Variants in SYN3 observed in about 807,000 individuals in gnomAD.
The protein encoded by SYN3 is synapsin III.
A neutral mutation model predicts 65.8 loss-of-function variants in SYN3; 35 were observed. The observed-to-expected ratio is 0.53, with a 90% confidence interval of 0.41 to 0.70. The LOEUF is 0.70. SYN3 is among the 30% of genes least tolerant of loss of function. SYN3 has a pLI of 0.00. For missense variants in SYN3, 680 were observed against 749.0 expected, an observed-to-expected ratio of 0.91 and a Z score of 1.08; for synonymous variants, 270 against 292.9, an observed-to-expected ratio of 0.92 and a Z score of 0.80.
intron 4 of SYN3, 80 bp from the exon 5 acceptor site, chr22:32,869,205 G>A: frequency 1.3e-6 from 2 of 1,510,666 alleles, no homozygotes; most frequent in African/African-American, 1.4e-5. Flanking sequence ...TGCTGGGGAT[G>A]ATAGCACTGA....
At chr22:32,639,534 C>T (rs1290264060) in intron 6 of SYN3, among the ~76,000 whole-genome samples, 1 of 151,948 alleles carries the variant, frequency 6.6e-6, no homozygotes, top group African/African-American at 2.4e-5. Context: ...GAATTAAGTT[C>T]CTTTTCTTTT....
intron 6 of SYN3, among the ~76,000 whole-genome samples, chr22:32,851,872 C>T (rs1427377): frequency 0.072 from 10,929 of 152,192 alleles, 630 homozygotes; most frequent in African/African-American, 0.16. Flanking sequence ...CTGGAATCTG[C>T]TTGTCTCTAG....
chr22:32,570,061 G>A (rs1485790951), intron 7 of SYN3, among the ~76,000 whole-genome samples: 1 of 152,214 alleles, frequency 6.6e-6, no homozygotes, highest in Non-Finnish European at 1.5e-5. Context: ...TACGGGCCAT[G>A]CTGAGGGTGT....
At chr22:32,991,785 T>C (rs241734) in intron 2 of SYN3, among the ~76,000 whole-genome samples, 55,381 of 152,096 alleles carry the variant, frequency 0.36, 10,748 homozygotes, top group Middle Eastern at 0.43. Flanking sequence ...CCCACACTCC[T>C]GTCCCTTCTG....
chr22:32,949,216 G>A (rs2051210138), intron 3 of SYN3, among the ~76,000 whole-genome samples: 1 of 151,994 alleles, frequency 6.6e-6, no homozygotes, highest in South Asian at 2.1e-4. Flanking sequence ...AGTTTAAGAC[G>A]AGCCTGTGTA....
At chr22:32,725,001 T>A (rs945861454) in intron 6 of SYN3, among the ~76,000 whole-genome samples, 7 of 152,144 alleles carry the variant, frequency 4.6e-5, no homozygotes, top group Admixed American at 4.6e-4. Context: ...ACACCTGTAA[T>A]CCCAGCTACT....
intron 6 of SYN3, among the ~76,000 whole-genome samples, chr22:32,639,439 C>A (rs1006437669): frequency 2.6e-5 from 4 of 152,170 alleles, no homozygotes; most frequent in Non-Finnish European, 5.9e-5. Flanking sequence ...GTTCTCTATT[C>A]TGTTCCATTG....
intron 7 of SYN3, among the ~76,000 whole-genome samples, chr22:32,548,809 T>C (rs1166126435): frequency 6.6e-6 from 1 of 152,180 alleles, no homozygotes; most frequent in Non-Finnish European, 1.5e-5. Context: ...CCTAAAGATA[T>C]AATGGAAGAC....
chr22:33,058,075 C>T (rs928027814), intron 1 of SYN3, among the ~76,000 whole-genome samples: 4 of 152,090 alleles, frequency 2.6e-5, no homozygotes, highest in Non-Finnish European at 4.4e-5. Flanking sequence ...AGGGACCGGC[C>T]CAGGGCCCCG....
At chr22:32,873,502 A>G (rs971778490) in intron 4 of SYN3, among the ~76,000 whole-genome samples, 11 of 152,100 alleles carry the variant, frequency 7.2e-5, no homozygotes, top group South Asian at 2.1e-4. Flanking sequence ...TTGGGGGTGT[A>G]GTGGACTGTG....
At chr22:32,529,201 TC>T in intron 10 of SYN3, 193 bp from the exon 11 acceptor site, 1 of 593,196 alleles carries the variant, frequency 1.7e-6, no homozygotes, top group Non-Finnish European at 2.9e-6. Context: ...TCTAAACCAC[TC>T]CCTGGAGGTA....
intron 1 of SYN3, among the ~76,000 whole-genome samples, chr22:33,037,814 G>A (rs2053887098): frequency 6.6e-6 from 1 of 152,154 alleles, no homozygotes; most frequent in African/African-American, 2.4e-5. Flanking sequence ...GGTGTTACCT[G>A]CACCTCCAGC....
chr22:32,873,988 G>T (rs532000899), intron 4 of SYN3, among the ~76,000 whole-genome samples: 1 of 152,054 alleles, frequency 6.6e-6, no homozygotes, highest in South Asian at 2.1e-4. Context: ...AAAAAAATTA[G>T]CTGGGCATAG....
At chr22:32,667,894 T>C (rs998414284) in intron 6 of SYN3, among the ~76,000 whole-genome samples, 1 of 149,160 alleles carries the variant, frequency 6.7e-6, no homozygotes, top group South Asian at 2.1e-4. Context: ...CCCGGGTTCA[T>C]GCCATTCTCT....
intron 6 of SYN3, among the ~76,000 whole-genome samples, chr22:32,702,393 G>T (rs2060822007): frequency 6.6e-6 from 1 of 152,184 alleles, no homozygotes; most frequent in Non-Finnish European, 1.5e-5. Context: ...CAGGAGAATG[G>T]TGTGAACCCG....
At chr22:32,994,468 C>A (rs1368758757) in intron 2 of SYN3, among the ~76,000 whole-genome samples, 1 of 152,186 alleles carries the variant, frequency 6.6e-6, no homozygotes, top group African/African-American at 2.4e-5. Context: ...TCTCCACCCC[C>A]AGCCCCTCCA....
At chr22:32,868,856 T>G (rs1601586556) in intron 5 of SYN3, 110 bp downstream of exon 5, 6 of 986,664 alleles carry the variant, frequency 6.1e-6, no homozygotes, top group Non-Finnish European at 8.4e-6. Context: ...GTTGCTTAAA[T>G]AAGAATTTTT....
chr22:32,539,496 A>G (rs2058218829), intron 8 of SYN3, among the ~76,000 whole-genome samples: 1 of 130,316 alleles, frequency 7.7e-6, no homozygotes, highest in Non-Finnish European at 1.6e-5. Context: ...AAAATTATGG[A>G]TATATGTGTA....
intron 10 of SYN3, among the ~76,000 whole-genome samples, chr22:32,531,091 G>A (rs1292699439): frequency 2.9e-5 from 4 of 138,082 alleles, no homozygotes; most frequent in Admixed American, 1.6e-4. Flanking sequence ...CCAGGGCCCC[G>A]GAAAACAGGC....
Sources: gnomAD v4.1 joint callset for allele counts (sites outside exome capture counted in the v4.1 genomes callset) on GRCh38, gnomAD v4.1.1 for gene constraint, MANE v1.5 for transcripts, NCBI Gene and HGNC (gene_info 2026-07-23, HGNC 2026-07-21) for gene names.